PSPC1: variants seen among roughly 807,000 people sequenced by gnomAD.
PSPC1 encodes the protein paraspeckle component 1.
A neutral mutation model predicts 51.6 loss-of-function variants in PSPC1; 14 were observed. The observed-to-expected ratio is 0.27, with a 90% CI of 0.18 to 0.42. The LOEUF is 0.42. PSPC1 is among the 10% of genes least tolerant of loss of function. The pLI is 1.00. For missense variants in PSPC1, 406 were observed against 701.1 expected (o/e 0.58, Z 4.75); for synonymous variants, 193 against 231.9 (o/e 0.83, Z 1.53).
At chr13:19,766,510 T>G (rs9508882) in intron 2 of PSPC1, among the ~76,000 whole-genome samples, 7 of 151,836 alleles carry the variant, frequency 4.6e-5, no homozygotes, top group Admixed American at 1.3e-4. Flanking sequence ...CTGGGCCACA[T>G]GGCGAAAATA....
intron 6 of PSPC1, among the ~76,000 whole-genome samples, chr13:19,717,319 A>G (rs960982638): frequency 6.6e-6 from 1 of 151,922 alleles, no homozygotes; most frequent in African/African-American, 2.4e-5. Context: ...TAATCCCAGC[A>G]CTATGGGAGG....
rs534728099 is a variant in PSPC1, at chr13:19,758,461, G to A, written c.770+862C>T. ...TCCGCTGTGCCAGGTTATTTAACTA[G>A]GAATACCCTGCTCTACCCTGGCACA... is the stretch of plus-strand genomic sequence containing the variant. On this transcript the variant is annotated intron_variant, in intron 3 of 8. Coordinates refer to ENST00000338910, the MANE Select transcript of PSPC1 (RefSeq NM_001354909.2). 4.6e-5 allele frequency among the ~76,000 whole-genome samples: 7 copies of A among 152,208 alleles called. No individual in the cohort carries two copies. In the South Asian group the frequency reaches 1.5e-3, roughly 32 times the overall value.
chr13:19,732,442 A>G (rs1183019248), intron 5 of PSPC1, among the ~76,000 whole-genome samples: 1 of 152,210 alleles, frequency 6.6e-6, no homozygotes. Context: ...AAAAGAGTCA[A>G]TATACTAATA....
At chr13:19,729,731 T>G (rs1481062886) in intron 6 of PSPC1, among the ~76,000 whole-genome samples, 1 of 152,106 alleles carries the variant, frequency 6.6e-6, no homozygotes, top group Non-Finnish European at 1.5e-5. Flanking sequence ...AAGATTTTTT[T>G]AAAAAGTCCT....
chr13:19,711,996 AG>A (rs930928850), intron 6 of PSPC1, among the ~76,000 whole-genome samples: 1 of 152,232 alleles, frequency 6.6e-6, no homozygotes, highest in African/African-American at 2.4e-5. Context: ...AACTACTGAT[AG>A]GTTCTTAGAA....
At chr13:19,776,728 C>T (rs1054946939) in intron 1 of PSPC1, among the ~76,000 whole-genome samples, 6 of 151,844 alleles carry the variant, frequency 4.0e-5, no homozygotes, top group Admixed American at 2.6e-4. Flanking sequence ...AGGATGGTCT[C>T]GATCTCCTGA....
chr13:19,771,707 G>A (rs936600518), intron 2 of PSPC1, among the ~76,000 whole-genome samples: 3 of 151,576 alleles, frequency 2.0e-5, no homozygotes, highest in Non-Finnish European at 2.9e-5. Flanking sequence ...TGCAACCTCC[G>A]ACTCCCGGAG....
rs552450003 is a variant in PSPC1 at position 19,690,880 on chromosome 13, G to C, written c.1159-13057C>G. Among the ~76,000 whole-genome samples, 62 of 152,132 alleles carry C rather than the reference G, an allele frequency of 4.1e-4. No individual in the cohort carries two copies. The South Asian group carries it at 0.013, about 31-fold the overall frequency. The stretch of plus-strand genomic sequence containing the variant: ...GACTATTTACTCGTCCTCCCTGCTG[G>C]CTATTCTTACTCTGACCCTTTAGTG... On this transcript the variant is annotated intron_variant and NMD_transcript_variant, in intron 6 of 7. Transcript: ENST00000471658.
chr13:19,702,312 C>T (rs1038463277), downstream of PSPC1, among the ~76,000 whole-genome samples: 3 of 152,162 alleles, frequency 2.0e-5, no homozygotes, highest in Non-Finnish European at 4.4e-5. Flanking sequence ...TAATTCACCA[C>T]AAATCACACA....
intron 7 of PSPC1, among the ~76,000 whole-genome samples, chr13:19,677,219 C>T (rs913911305): frequency 8.3e-6 from 1 of 120,640 alleles, no homozygotes; most frequent in African/African-American, 3.2e-5. Flanking sequence ...GGCGACAGAG[C>T]AAGACTCCGT....
At chr13:19,720,278 A>G (rs1293068663) in intron 6 of PSPC1, among the ~76,000 whole-genome samples, 1 of 152,208 alleles carries the variant, frequency 6.6e-6, no homozygotes, top group Non-Finnish European at 1.5e-5. Flanking sequence ...TTTCCTTACC[A>G]AAGTAAAACC....
intron 3 of PSPC1, among the ~76,000 whole-genome samples, chr13:19,754,637 A>G (rs1190747413): frequency 2.7e-5 from 4 of 150,584 alleles, no homozygotes; most frequent in Non-Finnish European, 4.4e-5. Flanking sequence ...ACAGGGTTTC[A>G]CCATGTTGGC....
At chr13:19,715,457 T>A (rs1253156027) in intron 6 of PSPC1, among the ~76,000 whole-genome samples, 1 of 152,192 alleles carries the variant, frequency 6.6e-6, no homozygotes, top group African/African-American at 2.4e-5. Flanking sequence ...AAGGTTAGCA[T>A]AACCATCCAA....
chr13:19,746,300 G>A (rs1317818240), intron 4 of PSPC1, among the ~76,000 whole-genome samples: 1 of 151,884 alleles, frequency 6.6e-6, no homozygotes, highest in Non-Finnish European at 1.5e-5. Context: ...TACTCAAGAG[G>A]CTGAGGCAGG....
At chr13:19,704,171 T>C (rs1191005140) in intron 8 of PSPC1, among the ~76,000 whole-genome samples, 1 of 152,274 alleles carries the variant, frequency 6.6e-6, no homozygotes, top group African/African-American at 2.4e-5. Context: ...TTGATGATTA[T>C]ATGCCACACA....
At chr13:19,707,703 G>A (rs1880880131) in intron 7 of PSPC1, among the ~76,000 whole-genome samples, 1 of 152,024 alleles carries the variant, frequency 6.6e-6, no homozygotes, top group Non-Finnish European at 1.5e-5. Flanking sequence ...GGACTCTAAA[G>A]GCATATTCTG....
At chr13:19,726,048 G>C (rs1883327193) in intron 6 of PSPC1, among the ~76,000 whole-genome samples, 1 of 152,130 alleles carries the variant, frequency 6.6e-6, no homozygotes, top group Admixed American at 6.6e-5. Context: ...CCAGCTACTT[G>C]GGAGGCTGAG....
At chr13:19,689,068 C>T (rs886186843) in intron 6 of PSPC1, among the ~76,000 whole-genome samples, 3 of 151,800 alleles carry the variant, frequency 2.0e-5, no homozygotes, top group Non-Finnish European at 4.4e-5. Flanking sequence ...TATTAAAGGA[C>T]AAACAGAAAA....
At chr13:19,682,237 A>G (rs1197273843) in intron 6 of PSPC1, among the ~76,000 whole-genome samples, 4 of 152,200 alleles carry the variant, frequency 2.6e-5, no homozygotes, top group African/African-American at 4.8e-5. Flanking sequence ...CTTTCAGCTG[A>G]TATTTTGTAA....
Sources: gnomAD v4.1 joint callset for allele counts (sites outside exome capture counted in the v4.1 genomes callset) on GRCh38, gnomAD v4.1.1 for gene constraint, MANE v1.5 for transcripts, NCBI Gene and HGNC (gene_info 2026-07-23, HGNC 2026-07-21) for gene names.